IMPG1: variants seen among roughly 807,000 people sequenced by gnomAD.
The protein encoded by IMPG1 is interphotoreceptor matrix proteoglycan 1.
IMPG1 carries 85 observed loss-of-function variants against 92.0 expected under a neutral mutation model. The observed-to-expected ratio is 0.92, with a 90% CI of 0.78 to 1.11. The LOEUF is 1.11. Ranked by LOEUF, IMPG1 falls within the 50% of genes least tolerant of loss-of-function variation. The probability of loss-of-function intolerance (pLI) is 0.00; values close to 1 mark genes in which losing one functional copy is unlikely to be tolerated. For missense variants in IMPG1, 1,022 were observed against 956.0 expected, an observed-to-expected ratio of 1.07 and a Z score of -0.91; for synonymous variants, 367 against 334.1, an observed-to-expected ratio of 1.10 and a Z score of -1.08.
rs1411857917 is a variant in IMPG1, at chr6:76,011,161, C to T, written c.866+5G>A. 6.9e-7 allele frequency: 1 copy of T among 1,440,878 alleles called. No homozygotes were observed. The highest frequency in any genetic ancestry group is 9.7e-7 in the Non-Finnish European group (1 of 1,026,652). The allele number at this position is 1,440,878 out of a possible 1,614,324, so 89.3% of individuals were successfully genotyped here. A position where few individuals can be genotyped will look rare whatever the true frequency, so the allele number is the denominator to read the frequency against. ...AATTGAGAAGAGTTTGATTCTCTTA[C>T]TTACCTAAATCCTAACACATGGATT... On this transcript the variant is annotated splice_donor_5th_base_variant and intron_variant, in intron 8 of 16. Coordinates refer to ENST00000369950, the MANE Select transcript of IMPG1 (RefSeq NM_001563.4).
At position 75,950,977 on chromosome 6, in the gene IMPG1, G is replaced by A. The variant is rs1180324900; in HGVS notation, c.1409C>T (p.Thr470Ile). 1.2e-6 allele frequency: 2 copies of A among 1,613,976 alleles called. No individual in the cohort carries two copies. Among genetic ancestry groups the A allele is most frequent in the Non-Finnish European group, 8.5e-7 (1 of 1,179,920 alleles). Residue 470 changes from threonine to isoleucine, a missense_variant, in exon 13 of 17, where the codon ACT (threonine) becomes ATT (isoleucine). Around this residue, in one of 3 missense-constraint regions of IMPG1, gnomAD observed 681 missense variants for 583.6 expected, o/e 1.17. Transcript: ENST00000369950. ...CCCTGGTACTAGCATTGTCTGGTCA[G>A]TGGCCATTGTATCTGTGGTGCCTTG... Reference protein sequence around the residue: ...TDQGTTDTMATDQTMLVPGLT... With the variant: ...TDQGTTDTMAIDQTMLVPGLT...
At position 75,923,723 on chromosome 6, in the gene IMPG1, A is replaced by G. The variant is rs1343251654; in HGVS notation, c.2244-17T>C. ...TCTGGCAACCTACAAAAGAAAGCAA[A>G]AACATAGTATCTTGTTTCTTGGGCT... On this transcript the variant is annotated splice_polypyrimidine_tract_variant and intron_variant, in intron 15 of 16. Coordinates refer to ENST00000369950, the MANE Select transcript of IMPG1 (RefSeq NM_001563.4). 3 of 1,507,216 alleles carry G rather than the reference A, an allele frequency of 2.0e-6. No homozygotes were observed. In the African/African-American group the frequency reaches 4.1e-5, roughly 21 times the overall value. The allele number at this position is 1,507,216 out of a possible 1,614,324, so 93.4% of individuals were successfully genotyped here. A position where few individuals can be genotyped will look rare whatever the true frequency, so the allele number is the denominator to read the frequency against.
chr6:76,030,666 A>G (rs1222152803), intron 4 of IMPG1, among the ~76,000 whole-genome samples: 1 of 152,156 alleles, frequency 6.6e-6, no homozygotes, highest in South Asian at 2.1e-4. Flanking sequence ...CAGTCATGCA[A>G]CCAGAGCCTC....
In IMPG1 at chr6:75,957,325, C is replaced by T. The variant is rs182485596; in HGVS notation, c.1292-6231G>A. On this transcript the variant is annotated intron_variant, in intron 12 of 16. Transcript: ENST00000369950. The stretch of plus-strand genomic sequence containing the variant: ...GCATTTGCTAAGGAGTGTTTTATTT[C>T]CAATTATGTGGTCAGTTTTAGAATA... Among the ~76,000 whole-genome samples, 935 of 152,226 alleles carry T rather than the reference C, an allele frequency of 6.1e-3. 10 individuals are homozygous for T. Among genetic ancestry groups the T allele is most frequent in the Non-Finnish European group, 0.01 (688 of 68,010 alleles).
At chr6:75,956,135 T>C (rs989507608) in intron 12 of IMPG1, among the ~76,000 whole-genome samples, 1 of 152,230 alleles carries the variant, frequency 6.6e-6, no homozygotes, top group Admixed American at 6.5e-5. Context: ...GAGGATGCCC[T>C]CTTTTTCTAT....
chr6:75,930,871 T>A, intron 15 of IMPG1, 82 bp downstream of exon 15: 1 of 1,257,386 alleles, frequency 8.0e-7, no homozygotes, highest in Non-Finnish European at 1.1e-6. Flanking sequence ...GAAAGGACCA[T>A]ATGAATTTAC....
Position 76,072,431 on chromosome 6 carries a change from C to A in IMPG1, c.58G>T (p.Gly20Ter). The change falls in exon 1 of 17, where the codon GGA (glycine) becomes TGA (stop). Residue 20 changes from glycine to a stop codon, truncating the protein, a stop_gained. Transcript: ENST00000369950. LOFTEE classifies it high-confidence loss of function. ...FVFWIFLQVQ[G>*]TKDISINIYH... ...CATTTAAGTAACTTACCTTTGGTTC[C>A]TTGAACTTGGAGAAAAATCCAAAAA... 6.4e-7 allele frequency: 1 copy of A among 1,572,240 alleles called. No individual in the cohort carries two copies. Among genetic ancestry groups the A allele is most frequent in the East Asian group, 2.3e-5 (1 of 44,110 alleles).
At chr6:76,034,523 A>G (rs938464412) in intron 3 of IMPG1, 98 bp downstream of exon 3, 1 of 1,345,416 alleles carries the variant, frequency 7.4e-7, no homozygotes, top group Non-Finnish European at 1.0e-6. Context: ...TCTTCAATTA[A>G]CCCTTACGTT....
chr6:76,020,689 T>C, intron 6 of IMPG1, among the ~76,000 whole-genome samples: 1 of 152,214 alleles, frequency 6.6e-6, no homozygotes, highest in East Asian at 1.9e-4. Context: ...GCCAAAGCTC[T>C]ACACACATGG....
intron 12 of IMPG1, among the ~76,000 whole-genome samples, chr6:75,972,634 A>T (rs1582076514): frequency 6.6e-6 from 1 of 152,216 alleles, no homozygotes; most frequent in Non-Finnish European, 1.5e-5. Flanking sequence ...TCCCAATTTT[A>T]ATAGTCTGAA....
intron 12 of IMPG1, among the ~76,000 whole-genome samples, chr6:75,984,796 C>T (rs1190658519): frequency 6.6e-6 from 1 of 152,144 alleles, no homozygotes; most frequent in African/African-American, 2.4e-5. Flanking sequence ...TGAGTTCTTG[C>T]TCTGGTAGTT....
intron 14 of IMPG1, among the ~76,000 whole-genome samples, chr6:75,943,822 G>A (rs1781876255): frequency 6.6e-6 from 1 of 152,202 alleles, no homozygotes; most frequent in Non-Finnish European, 1.5e-5. Flanking sequence ...AAAACTCAGT[G>A]CCCTCTTCAT....
At chr6:75,944,494 G>A (rs1402455762) in intron 14 of IMPG1, among the ~76,000 whole-genome samples, 1 of 152,020 alleles carries the variant, frequency 6.6e-6, no homozygotes, top group Non-Finnish European at 1.5e-5. Flanking sequence ...TCATCATTTG[G>A]TTGATGCTTA....
chr6:75,997,177 G>A (rs948208984), intron 12 of IMPG1, among the ~76,000 whole-genome samples: 4 of 152,134 alleles, frequency 2.6e-5, no homozygotes, highest in African/African-American at 7.2e-5. Flanking sequence ...TAGTTGAATG[G>A]CCATTCTTTC....
At chr6:75,945,942 C>T (rs1370970975) in intron 14 of IMPG1, among the ~76,000 whole-genome samples, 1 of 152,164 alleles carries the variant, frequency 6.6e-6, no homozygotes, top group Non-Finnish European at 1.5e-5. Context: ...GGATGGGTCC[C>T]TAAGTAAGCT....
chr6:76,071,914 C>A (rs904443533), intron 1 of IMPG1, among the ~76,000 whole-genome samples: 3 of 151,958 alleles, frequency 2.0e-5, no homozygotes, highest in Admixed American at 1.3e-4. Flanking sequence ...CAAAAACAAC[C>A]AAATTTTGAA....
intron 12 of IMPG1, among the ~76,000 whole-genome samples, chr6:75,987,986 G>A (rs1407535019): frequency 6.6e-6 from 1 of 152,158 alleles, no homozygotes; most frequent in Non-Finnish European, 1.5e-5. Flanking sequence ...ATTCCATGGT[G>A]TATACGTGCC....
chr6:75,966,902 G>A (rs1479193632), intron 12 of IMPG1, among the ~76,000 whole-genome samples: 1 of 152,208 alleles, frequency 6.6e-6, no homozygotes, highest in Non-Finnish European at 1.5e-5. Context: ...ACAAGGCCGG[G>A]CATGATGGCT....
chr6:76,070,111 A>G (rs1162456251), intron 1 of IMPG1, among the ~76,000 whole-genome samples: 1 of 152,190 alleles, frequency 6.6e-6, no homozygotes, highest in Non-Finnish European at 1.5e-5. Flanking sequence ...ACTAACCTGC[A>G]CATGTATGCC....
Sources: allele counts gnomAD v4.1 joint callset (sites outside exome capture counted in the v4.1 genomes callset), GRCh38; gene constraint gnomAD v4.1.1; regional missense constraint gnomAD v4.1.1; transcripts MANE v1.5; gene names NCBI Gene and HGNC (gene_info 2026-07-23, HGNC 2026-07-21).